Variants in VWF observed in about 807,000 individuals in gnomAD.
VWF encodes the protein von Willebrand factor.
Under a neutral mutation model 308.6 loss-of-function variants are expected in VWF, and 176 were observed. The ratio of observed to expected loss-of-function variants is 0.57; its 90% CI spans 0.50 to 0.65. The LOEUF is 0.65. Among genes scored for constraint, VWF ranks in the 30% least tolerant of loss-of-function variants. The pLI, the probability that VWF is intolerant of heterozygous loss-of-function variation, is 0.00. For synonymous variants in VWF, 1,385 were observed against 1,443.4 expected, an observed-to-expected ratio of 0.96 and a Z score of 0.92; for missense variants, 3,146 against 3,648.2, an observed-to-expected ratio of 0.86 and a Z score of 3.55.
intron 5 of VWF, among the ~76,000 whole-genome samples, chr12:6,098,566 C>T (rs1383674692): frequency 3.3e-5 from 5 of 151,282 alleles, no homozygotes; most frequent in Non-Finnish European, 5.9e-5. Flanking sequence ...ATCACGAGGT[C>T]GGGAGATCGA....
At chr12:6,017,978 T>C (rs1944081369) in intron 28 of VWF, among the ~76,000 whole-genome samples, 1 of 151,878 alleles carries the variant, frequency 6.6e-6, no homozygotes, top group Admixed American at 6.6e-5. Flanking sequence ...AAGCTTATCA[T>C]CACCACCTTT....
At chr12:6,036,302 C>T in intron 19 of VWF, 86 bp downstream of exon 19, 1 of 1,197,162 alleles carries the variant, frequency 8.4e-7, no homozygotes, top group Non-Finnish European at 1.2e-6. Context: ...GGGCTGGAGG[C>T]AAGTGCGGAA....
At chr12:6,034,227 CCCCTGTCCAGGGCCACTGCACAACA>C (rs1283724065) in intron 20 of VWF, among the ~76,000 whole-genome samples, 1 of 152,200 alleles carries the variant, frequency 6.6e-6, no homozygotes, top group African/African-American at 2.4e-5. Flanking sequence ...TTCAACCATC[CCCCTGTCCAGGGCCACTGCACAACA>C]CCTGCAGACT....
chr12:6,096,817 TTGGGATGAGCAGTTTTC>T (rs1425140813), intron 5 of VWF, among the ~76,000 whole-genome samples: 1 of 152,288 alleles, frequency 6.6e-6, no homozygotes, highest in East Asian at 1.9e-4. Flanking sequence ...CTTTGCAGTA[TTGGGATGAGCAGTTTTC>T]TGCATAGCCA....
chr12:6,030,525 G>A (rs991721458), intron 21 of VWF, among the ~76,000 whole-genome samples: 14 of 152,176 alleles, frequency 9.2e-5, no homozygotes, highest in African/African-American at 2.4e-4. Flanking sequence ...AGTCAAAGCA[G>A]CGGATCCAAA....
chr12:6,048,743 G>A (rs1431774549), intron 16 of VWF, among the ~76,000 whole-genome samples: 5 of 152,196 alleles, frequency 3.3e-5, no homozygotes, highest in African/African-American at 7.2e-5. Context: ...GATTACAGGC[G>A]TGAGCCACCT....
chr12:6,055,251 G>A (rs550721636), intron 15 of VWF, among the ~76,000 whole-genome samples: 2 of 152,102 alleles, frequency 1.3e-5, no homozygotes, highest in African/African-American at 4.8e-5. Flanking sequence ...GAAATCCTGC[G>A]GATGCTGCCA....
chr12:6,026,998 C>A (rs879346541), intron 22 of VWF, among the ~76,000 whole-genome samples: 4 of 148,722 alleles, frequency 2.7e-5, no homozygotes, highest in Non-Finnish European at 5.9e-5. Context: ...ATACTTAGAG[C>A]CCTGATGTTG....
intron 14 of VWF, among the ~76,000 whole-genome samples, chr12:6,057,288 G>A (rs1352977538): frequency 6.6e-6 from 1 of 151,438 alleles, no homozygotes; most frequent in Non-Finnish European, 1.5e-5. Context: ...AGACTGGGAA[G>A]GTCGAAGGAC....
intron 42 of VWF, among the ~76,000 whole-genome samples, chr12:5,976,504 G>T (rs1388554679): frequency 1.3e-5 from 2 of 152,034 alleles, no homozygotes; most frequent in African/African-American, 4.8e-5. Flanking sequence ...AGGCCTTCAT[G>T]GTCCCACAGA....
At chr12:6,071,754 C>CAGA (rs1334706724) in intron 9 of VWF, among the ~76,000 whole-genome samples, 1 of 152,178 alleles carries the variant, frequency 6.6e-6, no homozygotes, top group Non-Finnish European at 1.5e-5. Context: ...TCAGTGCACA[C>CAGA]AGAAGGCTGC....
intron 18 of VWF, 124 bp from the exon 19 acceptor site, chr12:6,036,615 CACCAGG>C: frequency 1.1e-6 from 1 of 899,194 alleles, no homozygotes; most frequent in African/African-American, 1.7e-5. Flanking sequence ...CTGGGACTGG[CACCAGG>C]ACCAGGGCTG....
At chr12:6,070,680 G>A (rs1411233938) in intron 10 of VWF, among the ~76,000 whole-genome samples, 1 of 152,216 alleles carries the variant, frequency 6.6e-6, no homozygotes, top group Non-Finnish European at 1.5e-5. Context: ...TGGAAGGTGG[G>A]GCAGAAGGGA....
intron 40 of VWF, among the ~76,000 whole-genome samples, chr12:5,984,310 T>C (rs1943652459): frequency 6.6e-6 from 1 of 152,246 alleles, no homozygotes; most frequent in Non-Finnish European, 1.5e-5. Context: ...CTCCTTTACA[T>C]TAATTGTTCT....
At chr12:5,998,499 ATATAT>A (rs1370688641) in intron 34 of VWF, among the ~76,000 whole-genome samples, 1 of 17,130 alleles carries the variant, frequency 5.8e-5, no homozygotes, top group African/African-American at 2.4e-4. Flanking sequence ...AAAAAAAAAA[ATATAT>A]ATATATATAT....
chr12:5,954,531 A>G (rs1201229074), intron 47 of VWF, among the ~76,000 whole-genome samples: 1 of 152,218 alleles, frequency 6.6e-6, no homozygotes, highest in Non-Finnish European at 1.5e-5. Flanking sequence ...GCCAGAACTC[A>G]AGCAGAAAAC....
At chr12:5,956,523 G>C (rs1265116774) in intron 47 of VWF, among the ~76,000 whole-genome samples, 1 of 151,840 alleles carries the variant, frequency 6.6e-6, no homozygotes, top group African/African-American at 2.4e-5. Flanking sequence ...AATGCCTATA[G>C]TTCCACCTGT....
At chr12:5,966,825 C>A (rs1010576193) in intron 47 of VWF, among the ~76,000 whole-genome samples, 14 of 152,242 alleles carry the variant, frequency 9.2e-5, no homozygotes, top group African/African-American at 3.4e-4. Context: ...GAAGCCAAGG[C>A]CCCTCCTGAG....
At chr12:6,022,431 T>C (rs1401574585) in intron 26 of VWF, among the ~76,000 whole-genome samples, 5 of 152,048 alleles carry the variant, frequency 3.3e-5, no homozygotes, top group Non-Finnish European at 7.4e-5. Context: ...AAACTTCAGT[T>C]CCTCAGACAC....
Sources: allele counts gnomAD v4.1 joint callset (sites outside exome capture counted in the v4.1 genomes callset), GRCh38; gene constraint gnomAD v4.1.1; transcripts MANE v1.5; gene names NCBI Gene and HGNC (gene_info 2026-07-23, HGNC 2026-07-21).